ETV4: variants seen among roughly 807,000 people sequenced by gnomAD.
ETV4 encodes the protein ETS variant transcription factor 4.
ETV4 carries 42 observed loss-of-function variants against 65.9 expected under a neutral mutation model. The observed-to-expected ratio is 0.64, with a 90% CI of 0.50 to 0.82. The LOEUF (loss-of-function observed/expected upper bound fraction) is 0.82. Ranked by LOEUF, ETV4 falls within the 40% of genes least tolerant of loss-of-function variation. The pLI is 0.00. For synonymous variants in ETV4, 238 were observed against 260.0 expected (o/e 0.92, Z 0.81); for missense variants, 583 against 630.3 (o/e 0.92, Z 0.80).
chr17:43,533,455 G>A, intron 6 of ETV4, 107 bp from the exon 7 acceptor site: 1 of 1,084,108 alleles, frequency 9.2e-7, no homozygotes, highest in African/African-American at 1.6e-5. Flanking sequence ...GGAGAAGGAA[G>A]GATAGAGGGG....
Position 43,532,865 on chromosome 17 carries a change from G to C in ETV4, c.620C>G (p.Ala207Gly). 1.2e-6 allele frequency: 2 copies of C among 1,610,840 alleles called. No homozygotes were observed. The highest frequency in any genetic ancestry group is 1.7e-6 in the Non-Finnish European group (2 of 1,177,752). Reference sequence around the variant, plus strand: ...CTCCGACAGCTGGTGTTGGTAGGGGGCTGGGAGGGGTTCCCGGCCCCCTCC... The same window carrying C: ...CTCCGACAGCTGGTGTTGGTAGGGGCCTGGGAGGGGTTCCCGGCCCCCTCC... Reference protein sequence around the residue: ...SQGGGREPLPAPYQHQLSEPC... With the variant: ...SQGGGREPLPGPYQHQLSEPC... Residue 207 changes from alanine to glycine, a missense_variant, in exon 8 of 13, where the codon GCC (alanine) becomes GGC (glycine). Transcript: ENST00000319349.
At chr17:43,529,051 G>A (rs1281314041) in intron 12 of ETV4, 84 bp downstream of exon 12, 2 of 1,292,004 alleles carry the variant, frequency 1.5e-6, no homozygotes, top group African/African-American at 1.5e-5. Flanking sequence ...AAGTTGCTGA[G>A]AACTGCCCTG....
chr17:43,528,854 G>A, intron 12 of ETV4, 111 bp from the exon 13 acceptor site: 6 of 835,722 alleles, frequency 7.2e-6, no homozygotes, highest in Non-Finnish European at 1.1e-5. Context: ...CAGATGCTCG[G>A]GGCATTTCTC....
chr17:43,529,272 C>T, intron 11 of ETV4, 36 bp from the exon 12 acceptor site: 2 of 1,603,646 alleles, frequency 1.2e-6, no homozygotes, highest in South Asian at 1.1e-5. Flanking sequence ...GAGATGCTAC[C>T]TTGGCAGAGG....
chr17:43,540,650 T>G (rs988411137), intron 4 of ETV4, among the ~76,000 whole-genome samples: 3 of 152,080 alleles, frequency 2.0e-5, no homozygotes, highest in Non-Finnish European at 4.4e-5. Flanking sequence ...CAGGTAATCC[T>G]TTCACTTCAG....
intron 4 of ETV4, among the ~76,000 whole-genome samples, chr17:43,540,968 C>A (rs1463255574): frequency 6.6e-6 from 1 of 152,144 alleles, no homozygotes; most frequent in Non-Finnish European, 1.5e-5. Context: ...CTGGGGGTAT[C>A]TCTTGCTGGC....
chr17:43,533,796 C>G, intron 6 of ETV4, 63 bp downstream of exon 6: 1 of 1,580,594 alleles, frequency 6.3e-7, no homozygotes, highest in Admixed American at 1.9e-5. Flanking sequence ...CTCATGGGTG[C>G]CCCCTGCCTC....
chr17:43,531,032 A>G (rs966924921), intron 8 of ETV4, among the ~76,000 whole-genome samples: 2 of 152,154 alleles, frequency 1.3e-5, no homozygotes, highest in African/African-American at 4.8e-5. Flanking sequence ...CAGCGGCAAG[A>G]GTGCCTCCCT....
In ETV4 at chr17:43,536,482, G is replaced by T; in HGVS notation, c.203-3C>A. On this transcript the variant is annotated splice_region_variant and splice_polypyrimidine_tract_variant and intron_variant, in intron 4 of 12. Coordinates refer to ENST00000319349, the MANE Select transcript of ETV4 (RefSeq NM_001079675.5). Reference sequence around the variant, plus strand: ...CTCATCACTGTCTGGTACCTGAGCTGCAGAGAGAAGTCAGAGGTGAGTTTG... The same window carrying T: ...CTCATCACTGTCTGGTACCTGAGCTTCAGAGAGAAGTCAGAGGTGAGTTTG... 1 of 1,614,176 alleles carries T rather than the reference G, an allele frequency of 6.2e-7. No individual in the cohort carries two copies. The highest frequency in any genetic ancestry group is 8.5e-7 in the Non-Finnish European group (1 of 1,180,006).
In ETV4 at chr17:43,528,782, G is replaced by A. The variant is rs181292340; in HGVS notation, c.1231-39C>T. On this transcript the variant is annotated intron_variant, in intron 12 of 12. Transcript: ENST00000319349. ...GAAGGTCTGGTCAGCCTGGCTAGCC[G>A]CCCAGCCTTTGTATGGGGTAAGGTG... The A allele has an allele frequency of 3.7e-4, 589 of 1,571,932 alleles. 5 individuals are homozygous for A. In the Middle Eastern group the frequency reaches 9.1e-3, roughly 24 times the overall value.
In ETV4 at chr17:43,532,900, G is replaced by A. The variant is rs1282426167; in HGVS notation, c.585C>T (p.Phe195=). 6.3e-7 allele frequency: 1 copy of A among 1,596,190 alleles called. No individual in the cohort carries two copies. The highest frequency in any genetic ancestry group is 1.1e-5 in the South Asian group (1 of 89,278). The change falls in exon 8 of 13, where the codon TTC becomes TTT. Residue 195 remains phenylalanine (F), a synonymous_variant. Coordinates refer to ENST00000319349, the MANE Select transcript of ETV4 (RefSeq NM_001079675.5). ...GTTCCCGGCCCCCTCCCTGAGATGT[G>A]AAGGAGTGGCAAATGTCCAGGGGCT... ...FQQPLDICHS[F]TSQGGGREPL...
intron 4 of ETV4, among the ~76,000 whole-genome samples, chr17:43,539,503 T>A (rs1452890593): frequency 6.6e-6 from 1 of 152,212 alleles, no homozygotes; most frequent in Non-Finnish European, 1.5e-5. Context: ...ACCTATCTCC[T>A]CCACCAGGAA....
At chr17:43,545,975 GTGTGT>G in intron 1 of ETV4, 1 of 317,620 alleles carries the variant, frequency 3.1e-6, no homozygotes, top group Non-Finnish European at 5.8e-6. Context: ...GTGTGTGTGT[GTGTGT>G]ACGCGCGCGC....
At chr17:43,530,074 G>C (rs1421430712) in intron 9 of ETV4, 33 bp downstream of exon 9, 1 of 1,611,108 alleles carries the variant, frequency 6.2e-7, no homozygotes, top group Non-Finnish European at 8.5e-7. Context: ...CCCCAACATG[G>C]AGGGCTTGGC....
At chr17:43,531,380 C>T (rs1970927803) in intron 8 of ETV4, among the ~76,000 whole-genome samples, 1 of 152,172 alleles carries the variant, frequency 6.6e-6, no homozygotes, top group African/African-American at 2.4e-5. Context: ...GCATCTCACT[C>T]CAGTCAACAG....
At position 43,532,121 on chromosome 17, in the gene ETV4, C is replaced by T. The variant is rs573053281; in HGVS notation, c.811+553G>A. On this transcript the variant is annotated intron_variant, in intron 8 of 12. Coordinates refer to ENST00000319349, the MANE Select transcript of ETV4 (RefSeq NM_001079675.5). ...TCAAACGATCCTCCTGCCATGGCCT[C>T]CTAAAGTGCTGGGATTACAGATGAC... is the stretch of plus-strand genomic sequence containing the variant. 7.9e-5 allele frequency among the ~76,000 whole-genome samples: 12 copies of T among 152,332 alleles called. No homozygotes were observed. The South Asian group carries it at 1.9e-3, about 24-fold the overall frequency.
At chr17:43,534,781 A>G (rs181898505) in intron 5 of ETV4, among the ~76,000 whole-genome samples, 4 of 152,046 alleles carry the variant, frequency 2.6e-5, no homozygotes, top group Non-Finnish European at 5.9e-5. Context: ...CTCTACTAAA[A>G]TACAAAAAAA....
chr17:43,545,492 G>A, intron 2 of ETV4, 66 bp downstream of exon 2: 1 of 1,483,334 alleles, frequency 6.7e-7, no homozygotes. Flanking sequence ...GCGGGGAGGG[G>A]GGCTGTGGTG....
Position 43,545,328 on chromosome 17 carries a change from C to G in ETV4, c.100G>C (p.Gly34Arg), listed in dbSNP as rs1971753185. The G allele has an allele frequency of 1.4e-5, 23 of 1,608,322 alleles. No individual in the cohort carries two copies. Among genetic ancestry groups the G allele is most frequent in the Non-Finnish European group, 1.9e-5 (22 of 1,177,228 alleles). ...GNGSLREALIGPLGKLMDPGS... is the reference protein window; with the variant it reads ...GNGSLREALIRPLGKLMDPGS... ...GGGTCCATGAGCTTCCCCAGCGGGC[C>G]GATCAGCGCTTCGCGCAAGCTCCCA... Residue 34 changes from glycine to arginine, a missense_variant, in exon 3 of 13, where the codon GGC becomes CGC. Gly to Arg is a moderately radical substitution (Grantham distance 125). Coordinates refer to ENST00000319349, the MANE Select transcript of ETV4 (RefSeq NM_001079675.5).
Sources: gnomAD v4.1 joint callset for allele counts (sites outside exome capture counted in the v4.1 genomes callset) on GRCh38, gnomAD v4.1.1 for gene constraint, MANE v1.5 for transcripts, NCBI Gene and HGNC (gene_info 2026-07-23, HGNC 2026-07-21) for gene names.